MAGI2: variants seen among roughly 807,000 people sequenced by gnomAD.
MAGI2 encodes the protein membrane-associated guanylate kinase, WW and PDZ domain-containing protein 2.
MAGI2 carries 35 observed loss-of-function variants against 133.3 expected under a neutral mutation model. The observed-to-expected ratio is 0.26, with a 90% CI of 0.20 to 0.35. The LOEUF is 0.35. Ranked by LOEUF, MAGI2 falls within the 10% of genes least tolerant of loss-of-function variation. MAGI2 has a pLI of 1.00. For missense variants in MAGI2, 1,636 were observed against 1,863.4 expected, an observed-to-expected ratio of 0.88 and a Z score of 2.25; for synonymous variants, 729 against 710.6, an observed-to-expected ratio of 1.03 and a Z score of -0.41.
At chr7:79,224,935 C>A (rs1830719090) in intron 1 of MAGI2, among the ~76,000 whole-genome samples, 1 of 152,064 alleles carries the variant, frequency 6.6e-6, no homozygotes, top group Non-Finnish European at 1.5e-5. Context: ...GAACTGAACA[C>A]CACAAAACAA....
chr7:79,435,908 G>T (rs1848106009), intron 1 of MAGI2, among the ~76,000 whole-genome samples: 1 of 152,028 alleles, frequency 6.6e-6, no homozygotes, highest in Non-Finnish European at 1.5e-5. Context: ...TTTGCTATGT[G>T]TCTAAAGACA....
intron 1 of MAGI2, among the ~76,000 whole-genome samples, chr7:79,355,881 C>T (rs941335417): frequency 6.6e-6 from 1 of 152,114 alleles, no homozygotes; most frequent in Non-Finnish European, 1.5e-5. Context: ...AGACAATTAA[C>T]ATATTTGAGA....
intron 1 of MAGI2, among the ~76,000 whole-genome samples, chr7:79,213,317 TACACACGTAC>T (rs1353556382): frequency 1.4e-5 from 2 of 145,644 alleles, no homozygotes; most frequent in African/African-American, 2.7e-5. Context: ...TACACACACG[TACACACGTAC>T]ACACACACAC....
chr7:78,220,674 G>A (rs569336800), intron 10 of MAGI2, among the ~76,000 whole-genome samples: 1 of 152,096 alleles, frequency 6.6e-6, no homozygotes, highest in South Asian at 2.1e-4. Flanking sequence ...CACACATTAA[G>A]TAACTTGACC....
At chr7:79,392,196 T>C (rs1265443330) in intron 1 of MAGI2, among the ~76,000 whole-genome samples, 1 of 152,202 alleles carries the variant, frequency 6.6e-6, no homozygotes. Flanking sequence ...TCTCATTCTT[T>C]TTTATGGCTG....
intron 2 of MAGI2, among the ~76,000 whole-genome samples, chr7:78,798,983 C>T (rs934724292): frequency 6.6e-6 from 1 of 152,150 alleles, no homozygotes; most frequent in African/African-American, 2.4e-5. Context: ...GATGCTATTA[C>T]AACAGGAATT....
intron 21 of MAGI2, among the ~76,000 whole-genome samples, chr7:78,069,463 GTGTGTATGTGTGTT>G (rs1814216215): frequency 6.6e-6 from 1 of 150,526 alleles, no homozygotes; most frequent in Non-Finnish European, 1.5e-5. Flanking sequence ...CTAAGACTGT[GTGTGTATGTGTGTT>G]TGTGTATGTG....
chr7:78,691,029 A>G (rs1816905680), intron 2 of MAGI2, among the ~76,000 whole-genome samples: 1 of 152,152 alleles, frequency 6.6e-6, no homozygotes. Context: ...TATTCTTTTT[A>G]ATTCATGAGC....
chr7:79,294,148 A>G (rs1836718631), intron 1 of MAGI2, among the ~76,000 whole-genome samples: 2 of 149,698 alleles, frequency 1.3e-5, no homozygotes, highest in African/African-American at 4.9e-5. Flanking sequence ...ATTGCATTCC[A>G]GCCCGGGCAA....
At chr7:79,214,360 CCTCTCTCTCTCTCTCTCTCTCTCTCT>C (rs71531163) in intron 1 of MAGI2, among the ~76,000 whole-genome samples, 1 of 27,566 alleles carries the variant, frequency 3.6e-5, no homozygotes, top group African/African-American at 1.5e-4. Flanking sequence ...GCATTACGCA[CCTCTCTCTCTCTCTCTCTCTCTCTCT>C]CTCTCTCTCT....
rs1817208055 is a variant in MAGI2 at position 78,091,512 on chromosome 7, AT to A, written c.3568-12428del. ...AACAGACTAAGACACCAATTAAAGC[AT>A]GCATAGGGGCACTGAGGGCAAGGAG... On this transcript the variant is annotated intron_variant, in intron 20 of 21. Transcript: ENST00000354212. Among the ~76,000 whole-genome samples the A allele has an allele frequency of 4.6e-5, 7 of 152,312 alleles. No individual in the cohort carries two copies. The South Asian group carries it at 1.5e-3, about 32-fold the overall frequency.
intron 1 of MAGI2, among the ~76,000 whole-genome samples, chr7:79,116,604 G>C (rs1460544097): frequency 2.6e-5 from 4 of 152,136 alleles, no homozygotes; most frequent in Non-Finnish European, 5.9e-5. Flanking sequence ...ATGTGGTTTG[G>C]ATATGCGTCC....
chr7:78,364,016 G>A (rs539387413), intron 7 of MAGI2, among the ~76,000 whole-genome samples: 61 of 151,362 alleles, frequency 4.0e-4, no homozygotes, highest in Non-Finnish European at 6.3e-4. Flanking sequence ...TTTCTTTCTC[G>A]TCTTTTCCTC....
intron 11 of MAGI2, among the ~76,000 whole-genome samples, chr7:78,200,075 C>G (rs1829097484): frequency 6.6e-6 from 1 of 152,194 alleles, no homozygotes; most frequent in South Asian, 2.1e-4. Flanking sequence ...TTCAAAATCA[C>G]ATGCATCCTT....
intron 11 of MAGI2, among the ~76,000 whole-genome samples, chr7:78,198,450 G>A (rs991553978): frequency 1.1e-4 from 6 of 55,492 alleles, no homozygotes; most frequent in Non-Finnish European, 1.6e-4. Context: ...TTTTTTTTTC[G>A]AGACATGGTC....
At chr7:78,059,578 T>C (rs1382534049) in intron 21 of MAGI2, among the ~76,000 whole-genome samples, 1 of 152,140 alleles carries the variant, frequency 6.6e-6, no homozygotes. Flanking sequence ...CCATCTAAAA[T>C]CCACTGGCTC....
chr7:78,405,191 T>C (rs538333552), intron 6 of MAGI2, among the ~76,000 whole-genome samples: 1 of 152,234 alleles, frequency 6.6e-6, no homozygotes, highest in African/African-American at 2.4e-5. Flanking sequence ...AGCTTCCTTT[T>C]AGGCTAACAA....
chr7:79,222,042 T>A (rs1165156477), intron 1 of MAGI2, among the ~76,000 whole-genome samples: 1 of 152,048 alleles, frequency 6.6e-6, no homozygotes, highest in Non-Finnish European at 1.5e-5. Context: ...TGTGAATAAT[T>A]AAAAGCTACC....
intron 9 of MAGI2, among the ~76,000 whole-genome samples, chr7:78,284,836 T>G (rs1347454717): frequency 1.3e-5 from 2 of 152,150 alleles, no homozygotes; most frequent in East Asian, 3.8e-4. Flanking sequence ...CCCAAAACAC[T>G]GTTATGTTTG....
Sources: allele counts gnomAD v4.1 joint callset (sites outside exome capture counted in the v4.1 genomes callset), GRCh38; gene constraint gnomAD v4.1.1; transcripts MANE v1.5; gene names NCBI Gene and HGNC (gene_info 2026-07-23, HGNC 2026-07-21).